The following UBR3 variants were observed in gnomAD, a reference collection of about 807,000 sequenced individuals.
The protein encoded by UBR3 is E3 ubiquitin-protein ligase UBR3.
Under a neutral mutation model 243.2 loss-of-function variants are expected in UBR3, and 85 were observed. That is an observed-to-expected ratio of 0.35 (90% CI 0.29 to 0.42). UBR3 has a LOEUF of 0.42. UBR3 is among the 10% of genes least tolerant of loss of function. The pLI, the probability that UBR3 is intolerant of heterozygous loss-of-function variation, is 1.00. For synonymous variants in UBR3, 748 were observed against 799.8 expected (o/e 0.94, Z 1.09); for missense variants, 1,686 against 2,300.8 (o/e 0.73, Z 5.47).
Position 169,986,758 on chromosome 2 carries a change from C to T in UBR3, c.3748C>T (p.Pro1250Ser). The T allele has an allele frequency of 6.2e-7, 1 of 1,614,042 alleles. No homozygotes were observed. Among genetic ancestry groups the T allele is most frequent in the South Asian group, 1.1e-5 (1 of 91,078 alleles). ...GAGTGGCCCCTCCTCTGAAGATCGA[C>T]CTACTGGATTAGTTGTACTGTTACA... ...GQSGPSSEDR[P>S]TGLVVLLQAS... Residue 1250 changes from proline (P) to serine (S), a missense_variant, in exon 25 of 39, where the codon CCT (proline) becomes TCT (serine). This residue lies in a region of UBR3 where 156 missense variants were observed against 246.3 expected (regional missense o/e 0.63). Transcript: ENST00000272793.
chr2:169,898,301 TG>T (rs1467124752), intron 8 of UBR3, among the ~76,000 whole-genome samples: 5 of 152,210 alleles, frequency 3.3e-5, no homozygotes, highest in Non-Finnish European at 7.3e-5. Context: ...CACCATGTCC[TG>T]AAAATTGATA....
At chr2:169,870,380 C>T (rs1193034551) in intron 1 of UBR3, among the ~76,000 whole-genome samples, 1 of 152,130 alleles carries the variant, frequency 6.6e-6, no homozygotes, top group African/African-American at 2.4e-5. Flanking sequence ...CCTTCAGCCT[C>T]AGCCTCCCAA....
intron 18 of UBR3, among the ~76,000 whole-genome samples, chr2:169,930,240 A>G (rs1382784717): frequency 1.3e-5 from 2 of 152,150 alleles, no homozygotes; most frequent in Non-Finnish European, 2.9e-5. Flanking sequence ...CTGCTTTTTA[A>G]AACAAGCTGT....
chr2:170,068,617 A>G (rs2091630999), intron 35 of UBR3, among the ~76,000 whole-genome samples: 1 of 152,208 alleles, frequency 6.6e-6, no homozygotes. Flanking sequence ...CAGAACAGAA[A>G]TCAGTGAAGT....
chr2:170,067,912 G>A (rs948892691), intron 35 of UBR3, among the ~76,000 whole-genome samples: 40 of 151,942 alleles, frequency 2.6e-4, no homozygotes, highest in African/African-American at 8.7e-4. Context: ...GGGATTACAG[G>A]TGCCCAACAC....
chr2:170,029,748 A>T (rs528642881), intron 31 of UBR3, among the ~76,000 whole-genome samples: 1 of 152,168 alleles, frequency 6.6e-6, no homozygotes, highest in South Asian at 2.1e-4. Context: ...CAATTAGTGG[A>T]TTCAAGTAGC....
Position 169,872,370 on chromosome 2 carries a change from A to G in UBR3, c.680A>G (p.Glu227Gly), listed in dbSNP as rs1441471797. 1 of 1,465,952 alleles carries G rather than the reference A, an allele frequency of 6.8e-7. No individual in the cohort carries two copies. Among genetic ancestry groups the G allele is most frequent in the East Asian group, 2.6e-5 (1 of 39,018 alleles). The allele number at this position is 1,465,952 out of a possible 1,614,324, so 90.8% of individuals were successfully genotyped here. A position where few individuals can be genotyped will look rare whatever the true frequency, so the allele number is the denominator to read the frequency against. Residue 227 changes from glutamate to glycine, a missense_variant, in exon 2 of 39, where the codon GAA becomes GGA. Around this residue, in one of 8 missense-constraint regions of UBR3, gnomAD observed 200 missense variants for 231.6 expected, o/e 0.86. Coordinates refer to ENST00000272793, the MANE Select transcript of UBR3 (RefSeq NM_172070.4). Reference sequence around the variant, plus strand: ...CAGTACTTAAGAGAAGGCTATAATGAACCAGGTATGTTTTAATCTACTTCT... The same window carrying G: ...CAGTACTTAAGAGAAGGCTATAATGGACCAGGTATGTTTTAATCTACTTCT... ...LIQYLREGYN[E>G]PAADGPSEKD...
chr2:169,866,362 G>GT (rs781640089), intron 1 of UBR3, among the ~76,000 whole-genome samples: 4 of 148,528 alleles, frequency 2.7e-5, no homozygotes, highest in African/African-American at 7.4e-5. Flanking sequence ...AAGTTTTTTT[G>GT]TTTTTTTGTT....
intron 27 of UBR3, among the ~76,000 whole-genome samples, chr2:170,003,309 A>G (rs1182750516): frequency 6.6e-6 from 1 of 152,190 alleles, no homozygotes; most frequent in Admixed American, 6.5e-5. Context: ...CTTCCTCCTG[A>G]TAGGATAAAG....
In UBR3 at chr2:169,946,309, C is replaced by A; in HGVS notation, c.2827C>A (p.Leu943Met). The A allele has an allele frequency of 6.7e-7, 1 of 1,495,420 alleles. No homozygotes were observed. Among genetic ancestry groups the A allele is most frequent in the South Asian group, 1.4e-5 (1 of 72,652 alleles). The allele number at this position is 1,495,420 out of a possible 1,614,324, so 92.6% of individuals were successfully genotyped here. A position where few individuals can be genotyped will look rare whatever the true frequency, so the allele number is the denominator to read the frequency against. The change falls in exon 21 of 39, where the codon CTG (leucine) becomes ATG (methionine). Residue 943 changes from leucine (L) to methionine (M), a missense_variant. Leu to Met is a conservative substitution (Grantham distance 15). This residue lies in a region of UBR3 where 300 missense variants were observed against 314.4 expected (regional missense o/e 0.95). Coordinates refer to ENST00000272793, the MANE Select transcript of UBR3 (RefSeq NM_172070.4). Reference sequence around the variant, plus strand: ...AAAGATTTTGATGGATCATCAAAATCTGTCAGAACATGTACTCTGCATGGT... The same window carrying A: ...AAAGATTTTGATGGATCATCAAAATATGTCAGAACATGTACTCTGCATGGT... ...LYKILMDHQN[L>M]SEHVLCMVLY...
intron 29 of UBR3, among the ~76,000 whole-genome samples, chr2:170,011,175 G>C (rs2090071709): frequency 6.6e-6 from 1 of 151,590 alleles, no homozygotes; most frequent in African/African-American, 2.4e-5. Flanking sequence ...CCTGTCTAAA[G>C]AAATAAAAAA....
chr2:169,941,470 T>C (rs1178270807), intron 19 of UBR3, among the ~76,000 whole-genome samples: 1 of 152,190 alleles, frequency 6.6e-6, no homozygotes, highest in Non-Finnish European at 1.5e-5. Context: ...GAGATTTTCA[T>C]TTAATATTTT....
chr2:170,073,175 AAAAT>A (rs2091736287), intron 35 of UBR3, among the ~76,000 whole-genome samples: 1 of 152,184 alleles, frequency 6.6e-6, no homozygotes, highest in Admixed American at 6.6e-5. Flanking sequence ...CTCTATTTAA[AAAAT>A]AAATGTATAA....
intron 37 of UBR3, 151 bp downstream of exon 37, chr2:170,080,174 A>G: frequency 2.6e-6 from 2 of 765,678 alleles, no homozygotes; most frequent in Admixed American, 3.3e-5. Flanking sequence ...GTAGAAGAGT[A>G]AAAAAAGAAA....
chr2:169,980,407 G>A (rs2088665117), intron 24 of UBR3, among the ~76,000 whole-genome samples: 1 of 152,116 alleles, frequency 6.6e-6, no homozygotes, highest in African/African-American at 2.4e-5. Context: ...CAGCTGAAAG[G>A]GCCTAGAAGC....
chr2:169,864,377 A>T lies in UBR3; in HGVS notation c.546-7859A>T, dbSNP rs563318089. Among the ~76,000 whole-genome samples the T allele has an allele frequency of 3.0e-4, 46 of 152,276 alleles. No homozygotes were observed. The South Asian group carries it at 5.0e-3, about 16-fold the overall frequency. On this transcript the variant is annotated intron_variant, in intron 1 of 38. Transcript: ENST00000272793. Reference sequence around the variant, plus strand: ...CAAGGCCTCCATATTCCCAGGACCTATGTGCCAGGCATGTAGTAGCTCTTC... The same window carrying T: ...CAAGGCCTCCATATTCCCAGGACCTTTGTGCCAGGCATGTAGTAGCTCTTC...
At chr2:169,909,340 T>G (rs1005268795) in intron 10 of UBR3, among the ~76,000 whole-genome samples, 3 of 152,170 alleles carry the variant, frequency 2.0e-5, no homozygotes, top group Non-Finnish European at 4.4e-5. Flanking sequence ...TGGAGAAGAC[T>G]GGATTTGAGC....
chr2:169,989,075 A>C (rs1244611978), intron 25 of UBR3, among the ~76,000 whole-genome samples: 1 of 152,196 alleles, frequency 6.6e-6, no homozygotes, highest in Non-Finnish European at 1.5e-5. Flanking sequence ...ACAGTGATTA[A>C]TTTCTGGCTA....
intron 10 of UBR3, among the ~76,000 whole-genome samples, chr2:169,913,766 T>TGG (rs141610119): frequency 0.011 from 1,688 of 151,432 alleles, 47 homozygotes; most frequent in African/African-American, 0.038. Context: ...TATAATAAAT[T>TGG]GGGGGGGGTG....
Sources: gnomAD v4.1 joint callset for allele counts (sites outside exome capture counted in the v4.1 genomes callset) on GRCh38, gnomAD v4.1.1 for gene constraint, gnomAD v4.1.1 regional missense constraint, MANE v1.5 for transcripts, NCBI Gene and HGNC (gene_info 2026-07-23, HGNC 2026-07-21) for gene names.